The following TCF25 variants were observed in gnomAD, a reference collection of about 807,000 sequenced individuals.
TCF25 encodes ribosome quality control complex subunit TCF25.
A neutral mutation model predicts 83.1 loss-of-function variants in TCF25; 41 were observed. The observed-to-expected ratio is 0.49, with a 90% CI of 0.38 to 0.64. The LOEUF (loss-of-function observed/expected upper bound fraction) is 0.64, where lower values mean the gene tolerates loss of function less well. Among genes scored for constraint, TCF25 ranks in the 30% least tolerant of loss-of-function variants. TCF25 has a pLI of 0.00. For missense variants in TCF25, 979 were observed against 914.5 expected (o/e 1.07, Z -0.91); for synonymous variants, 458 against 365.0 (o/e 1.25, Z -2.90).
chr16:89,874,634 G>T (rs1309846485), intron 1 of TCF25: 1 of 152,350 alleles, frequency 6.6e-6, no homozygotes, highest in African/African-American at 2.4e-5. Flanking sequence ...TGACTGTATG[G>T]TTTGCTCATG....
intron 2 of TCF25, 30 bp from the exon 3 acceptor site, chr16:89,884,552 C>T: frequency 1.6e-5 from 25 of 1,607,904 alleles, no homozygotes; most frequent in Non-Finnish European, 2.0e-5. Context: ...ACTTCTCATT[C>T]TACTGATGAA....
chr16:89,888,004 G>T (rs111226959), intron 5 of TCF25, among the ~76,000 whole-genome samples: 1 of 152,136 alleles, frequency 6.6e-6, no homozygotes, highest in South Asian at 2.1e-4. Flanking sequence ...CAGTGCTCAC[G>T]CCTGTAATCC....
intron 5 of TCF25, chr16:89,889,266 C>T: frequency 2.5e-6 from 1 of 395,236 alleles, no homozygotes; most frequent in Non-Finnish European, 5.0e-6. Context: ...TGGTTTTGAA[C>T]TCGTGGCCTC....
intron 6 of TCF25, 116 bp downstream of exon 6, chr16:89,892,391 C>G (rs2043498472): frequency 1.2e-3 from 360 of 303,234 alleles, no homozygotes; most frequent in South Asian, 2.3e-3. Flanking sequence ...TGGAGGGCGG[C>G]GGGGGGGTGT....
intron 5 of TCF25, chr16:89,889,106 G>C (rs990670519): frequency 7.1e-6 from 2 of 283,322 alleles, no homozygotes; most frequent in South Asian, 3.2e-5. Context: ...GGAAGAGCAG[G>C]GGGGGTGTCT....
At position 89,873,598 on chromosome 16, in the gene TCF25, A is replaced by C; in HGVS notation, c.-70A>C. ...CCCCGACCCCGCGCGAAGAGTGCGC[A>C]GGCGCGCCGACAGCCGAGTTTTCTG... On this transcript the variant is annotated 5_prime_UTR_variant, in exon 1 of 18. Coordinates refer to ENST00000263346, the MANE Select transcript of TCF25 (RefSeq NM_014972.3). The C allele has an allele frequency of 9.2e-6, 9 of 977,596 alleles. No homozygotes were observed. Among genetic ancestry groups the C allele is most frequent in the Non-Finnish European group, 9.4e-6 (7 of 745,304 alleles). 60.6% of individuals were successfully genotyped at this position (977,596 alleles called of 1,614,324 possible).
chr16:89,889,522 T>C (rs2043263592), intron 5 of TCF25: 1 of 165,010 alleles, frequency 6.1e-6, no homozygotes, highest in African/African-American at 2.4e-5. Context: ...TGCTGGTCTA[T>C]AACATGCCCT....
In TCF25 at chr16:89,884,304, G is replaced by A. The variant is rs144048061; in HGVS notation, c.355-278G>A. ...GGCTGCAGTGTGGCAGGGAGTGGCC[G>A]ACACAGGGAGGAATGAGAGCTGGAC... On this transcript the variant is annotated intron_variant, in intron 2 of 17. Transcript: ENST00000263346. Among the ~76,000 whole-genome samples the A allele has an allele frequency of 4.1e-3, 621 of 152,264 alleles. 7 individuals carry two copies. The highest frequency in any genetic ancestry group is 0.014 in the African/African-American group (571 of 41,554).
intron 5 of TCF25, among the ~76,000 whole-genome samples, chr16:89,887,986 G>A (rs1372570303): frequency 6.6e-6 from 1 of 152,168 alleles, no homozygotes; most frequent in African/African-American, 2.4e-5. Flanking sequence ...CAAAAGCCAT[G>A]CCGAGTGCAG....
At chr16:89,891,275 A>G (rs2043406194) in intron 5 of TCF25, among the ~76,000 whole-genome samples, 1 of 152,230 alleles carries the variant, frequency 6.6e-6, no homozygotes, top group Non-Finnish European at 1.5e-5. Flanking sequence ...CATCTGGCCC[A>G]GGAGAGTGCT....
At chr16:89,875,447 C>T (rs1447823283) in intron 1 of TCF25, among the ~76,000 whole-genome samples, 1 of 151,550 alleles carries the variant, frequency 6.6e-6, no homozygotes, top group Non-Finnish European at 1.5e-5. Flanking sequence ...GATACTGGAG[C>T]CACTTTTCTC....
chr16:89,877,101 C>CAAAAA (rs113072263), intron 1 of TCF25, among the ~76,000 whole-genome samples: 1 of 142,448 alleles, frequency 7.0e-6, no homozygotes, highest in African/African-American at 3.0e-5. Context: ...GACTCTGTCT[C>CAAAAA]AAAAAAATAA....
intron 1 of TCF25, 70 bp from the exon 2 acceptor site, chr16:89,883,281 T>C: frequency 6.4e-7 from 1 of 1,570,052 alleles, no homozygotes; most frequent in Non-Finnish European, 8.7e-7. Context: ...CACATCTCAC[T>C]ATTCATATCT....
intron 16 of TCF25, chr16:89,909,115 G>A: frequency 1.6e-6 from 2 of 1,288,676 alleles, no homozygotes; most frequent in Non-Finnish European, 2.0e-6. Flanking sequence ...CAGGTGTGCA[G>A]TGAAGTGGGG....
At chr16:89,910,279 T>C in intron 16 of TCF25, 2 of 430,430 alleles carry the variant, frequency 4.6e-6, no homozygotes, top group Non-Finnish European at 4.2e-6. Flanking sequence ...GCAGCTTTTC[T>C]GAAAAGCAAG....
In TCF25 at chr16:89,896,168, T is replaced by A. The variant is rs866066791; in HGVS notation, c.1022+85T>A. 6.2e-6 allele frequency: 8 copies of A among 1,294,682 alleles called. No individual in the cohort carries two copies. In the Middle Eastern group the frequency reaches 1.5e-3, roughly 245 times the overall value. The allele number at this position is 1,294,682 out of a possible 1,614,324, so 80.2% of individuals were successfully genotyped here. A position where few individuals can be genotyped will look rare whatever the true frequency, so the allele number is the denominator to read the frequency against. On this transcript the variant is annotated intron_variant, in intron 9 of 17. Transcript: ENST00000263346. ...TGGGGGAGGTGCAGTGGGCACCTCA[T>A]GGCTGCCCTCCAGGGTGGACCAGGG...
At chr16:89,902,777 C>A (rs1439491148) in intron 12 of TCF25, among the ~76,000 whole-genome samples, 1 of 151,818 alleles carries the variant, frequency 6.6e-6, no homozygotes, top group African/African-American at 2.4e-5. Context: ...GGGCCTCCTC[C>A]GAGGGGCGGT....
chr16:89,883,643 G>A, intron 2 of TCF25, 131 bp downstream of exon 2: 1 of 1,100,284 alleles, frequency 9.1e-7, no homozygotes, highest in Non-Finnish European at 1.3e-6. Context: ...CCTGCTAGTT[G>A]CCCCCAAATT....
chr16:89,876,184 A>G (rs374085083), intron 1 of TCF25, among the ~76,000 whole-genome samples: 1 of 152,248 alleles, frequency 6.6e-6, no homozygotes, highest in Admixed American at 6.5e-5. Context: ...ATGACTGCTT[A>G]TCGTGCTGTG....
Sources: allele counts gnomAD v4.1 joint callset (sites outside exome capture counted in the v4.1 genomes callset), GRCh38; gene constraint gnomAD v4.1.1; transcripts MANE v1.5; gene names NCBI Gene and HGNC (gene_info 2026-07-23, HGNC 2026-07-21).